The following TNFRSF21 variants were observed in gnomAD, a reference collection of about 807,000 sequenced individuals.
TNFRSF21 encodes the protein TNF receptor superfamily member 21.
A neutral mutation model predicts 45.6 loss-of-function variants in TNFRSF21; 19 were observed. That is an observed-to-expected ratio of 0.42 (90% CI 0.29 to 0.61). The LOEUF is 0.61. TNFRSF21 is among the 20% of genes least tolerant of loss of function. TNFRSF21 has a pLI of 0.23. For synonymous variants in TNFRSF21, 314 were observed against 335.5 expected, an observed-to-expected ratio of 0.94 and a Z score of 0.70; for missense variants, 737 against 851.5, an observed-to-expected ratio of 0.87 and a Z score of 1.67.
At chr6:47,250,922 A>G (rs971895720) in intron 4 of TNFRSF21, among the ~76,000 whole-genome samples, 1 of 152,242 alleles carries the variant, frequency 6.6e-6, no homozygotes, top group Admixed American at 6.5e-5. Flanking sequence ...AGTACTTAAC[A>G]CAAACTTTGC....
chr6:47,243,680 A>C (rs1392395569), intron 4 of TNFRSF21, among the ~76,000 whole-genome samples: 1 of 152,154 alleles, frequency 6.6e-6, no homozygotes, highest in Admixed American at 6.5e-5. Flanking sequence ...GGCCTCCCAA[A>C]GTGCTGAGAT....
chr6:47,260,734 G>A (rs1279494300), intron 3 of TNFRSF21, among the ~76,000 whole-genome samples: 1 of 152,172 alleles, frequency 6.6e-6, no homozygotes, highest in African/African-American at 2.4e-5. Flanking sequence ...AAGGCTGCCT[G>A]GAACTATACA....
At chr6:47,296,200 C>G (rs781451317) in intron 1 of TNFRSF21, among the ~76,000 whole-genome samples, 2 of 152,158 alleles carry the variant, frequency 1.3e-5, no homozygotes, top group Admixed American at 6.6e-5. Context: ...TTACTCTGTG[C>G]TCACTAAGGA....
chr6:47,259,572 A>C (rs952618641), intron 3 of TNFRSF21, among the ~76,000 whole-genome samples: 1 of 152,146 alleles, frequency 6.6e-6, no homozygotes, highest in African/African-American at 2.4e-5. Flanking sequence ...AAGGGGTTTC[A>C]TCATGTTGGC....
At position 47,271,748 on chromosome 6, in the gene TNFRSF21, T is replaced by C. The variant is rs1582338149; in HGVS notation, c.1243+12190A>G. Among the ~76,000 whole-genome samples, 3 of 152,074 alleles carry C rather than the reference T, an allele frequency of 2.0e-5. No homozygotes were observed. In the East Asian group the frequency reaches 5.8e-4, roughly 29 times the overall value. ...TTGGATAAAGAGTCAAGACCCATTG[T>C]TGTGCTGTATTCAGGAGACCCATCT... On this transcript the variant is annotated intron_variant, in intron 3 of 5. Transcript: ENST00000296861.
intron 1 of TNFRSF21, among the ~76,000 whole-genome samples, chr6:47,289,041 G>T (rs1582353778): frequency 6.6e-6 from 1 of 152,248 alleles, no homozygotes; most frequent in Non-Finnish European, 1.5e-5. Context: ...TCTGAGAAGA[G>T]ACTGGGGGAG....
intron 4 of TNFRSF21, among the ~76,000 whole-genome samples, chr6:47,246,788 C>T (rs1057400885): frequency 1.3e-5 from 2 of 151,752 alleles, no homozygotes; most frequent in East Asian, 3.9e-4. Flanking sequence ...GAAAGAAGAC[C>T]AAAATATAGT....
chr6:47,241,804 T>G (rs945167948), intron 4 of TNFRSF21, among the ~76,000 whole-genome samples: 1 of 152,172 alleles, frequency 6.6e-6, no homozygotes, highest in African/African-American at 2.4e-5. Context: ...CCCCAAACTT[T>G]TCCTGGGCTT....
At chr6:47,269,641 T>C (rs930623940) in intron 3 of TNFRSF21, among the ~76,000 whole-genome samples, 2 of 152,182 alleles carry the variant, frequency 1.3e-5, no homozygotes, top group Non-Finnish European at 2.9e-5. Context: ...TTTAGGCAAA[T>C]AATGCAACAT....
intron 4 of TNFRSF21, among the ~76,000 whole-genome samples, chr6:47,239,510 A>G (rs554679001): frequency 6.6e-6 from 1 of 152,260 alleles, no homozygotes; most frequent in East Asian, 1.9e-4. Flanking sequence ...AAATGAAATA[A>G]GATTTCGAGG....
chr6:47,235,930 C>G, intron 4 of TNFRSF21, among the ~76,000 whole-genome samples: 1 of 152,122 alleles, frequency 6.6e-6, no homozygotes, highest in East Asian at 1.9e-4. Flanking sequence ...ACCACTCTGG[C>G]TGGTGGGTAG....
chr6:47,270,365 C>T (rs150795381), intron 3 of TNFRSF21, among the ~76,000 whole-genome samples: 9 of 152,300 alleles, frequency 5.9e-5, no homozygotes, highest in South Asian at 2.1e-4. Context: ...GATACCCAGG[C>T]GAACAAGGTC....
At chr6:47,270,882 A>G (rs1233931822) in intron 3 of TNFRSF21, among the ~76,000 whole-genome samples, 2 of 152,230 alleles carry the variant, frequency 1.3e-5, no homozygotes, top group Admixed American at 6.5e-5. Flanking sequence ...ACAAGCTTCA[A>G]TAGCTGATTT....
At chr6:47,297,287 G>A (rs1357981689) in intron 1 of TNFRSF21, among the ~76,000 whole-genome samples, 1 of 152,140 alleles carries the variant, frequency 6.6e-6, no homozygotes, top group Admixed American at 6.5e-5. Context: ...GTATAAAGGA[G>A]TTAATTAGCA....
At chr6:47,234,178 T>C (rs1338102128) in intron 5 of TNFRSF21, among the ~76,000 whole-genome samples, 1 of 152,080 alleles carries the variant, frequency 6.6e-6, no homozygotes, top group Non-Finnish European at 1.5e-5. Flanking sequence ...GGTTTCACCA[T>C]GTTGGCCAGG....
At chr6:47,304,834 A>T (rs1762916792) in intron 1 of TNFRSF21, among the ~76,000 whole-genome samples, 1 of 152,176 alleles carries the variant, frequency 6.6e-6, no homozygotes, top group African/African-American at 2.4e-5. Context: ...GACTTGGGGA[A>T]GATTCAAACA....
chr6:47,237,706 C>T (rs938616950), intron 4 of TNFRSF21, among the ~76,000 whole-genome samples: 5 of 152,130 alleles, frequency 3.3e-5, no homozygotes, highest in African/African-American at 7.2e-5. Context: ...AGGCTGGGCA[C>T]GGTGACTCAC....
chr6:47,278,591 C>T (rs1015270249), intron 3 of TNFRSF21, among the ~76,000 whole-genome samples: 29 of 152,152 alleles, frequency 1.9e-4, no homozygotes, highest in Non-Finnish European at 1.5e-5. Flanking sequence ...CTATTCCAGG[C>T]ACAGGGGACA....
chr6:47,237,360 G>GT (rs1157760294), intron 4 of TNFRSF21, among the ~76,000 whole-genome samples: 3 of 152,166 alleles, frequency 2.0e-5, no homozygotes, highest in Non-Finnish European at 2.9e-5. Context: ...ATCAAAGCCG[G>GT]TTTGCAGTAC....
Sources: gnomAD v4.1 joint callset for allele counts (sites outside exome capture counted in the v4.1 genomes callset) on GRCh38, gnomAD v4.1.1 for gene constraint, MANE v1.5 for transcripts, NCBI Gene and HGNC (gene_info 2026-07-23, HGNC 2026-07-21) for gene names.